BRINP3: variants seen among roughly 807,000 people sequenced by gnomAD.
The protein encoded by BRINP3 is BMP/retinoic acid inducible neural specific 3, also known as BMP/retinoic acid-inducible neural-specific protein 3.
A neutral mutation model predicts 71.0 loss-of-function variants in BRINP3; 19 were observed. The ratio of observed to expected loss-of-function variants is 0.27; its 90% confidence interval spans 0.19 to 0.39. The LOEUF (loss-of-function observed/expected upper bound fraction) is 0.39. BRINP3 is among the 10% of genes least tolerant of loss of function. BRINP3 has a pLI of 1.00. For synonymous variants in BRINP3, 380 were observed against 337.7 expected, an observed-to-expected ratio of 1.13 and a Z score of -1.37; for missense variants, 959 against 940.8, an observed-to-expected ratio of 1.02 and a Z score of -0.25.
At chr1:190,373,052 A>C (rs1341627569) in intron 2 of BRINP3, among the ~76,000 whole-genome samples, 5 of 152,216 alleles carry the variant, frequency 3.3e-5, no homozygotes, top group African/African-American at 1.2e-4. Flanking sequence ...GAAGAAAATT[A>C]GAATGATATC....
intron 2 of BRINP3, among the ~76,000 whole-genome samples, chr1:190,351,966 A>C (rs1668415271): frequency 6.6e-6 from 1 of 152,030 alleles, no homozygotes; most frequent in Non-Finnish European, 1.5e-5. Context: ...ACAATTTCAA[A>C]CATTTTAAAT....
intron 2 of BRINP3, among the ~76,000 whole-genome samples, chr1:190,288,429 T>C (rs1419272632): frequency 2.6e-5 from 4 of 151,998 alleles, no homozygotes; most frequent in Admixed American, 2.6e-4. Context: ...TTATTTTAGA[T>C]AGGGAATTTT....
chr1:190,465,628 C>G (rs181549604), intron 1 of BRINP3, among the ~76,000 whole-genome samples: 3 of 151,922 alleles, frequency 2.0e-5, no homozygotes, highest in Non-Finnish European at 1.5e-5. Flanking sequence ...AATGTTTTCT[C>G]TTAGTAATTT....
chr1:190,330,297 T>A (rs1214283283), intron 2 of BRINP3, among the ~76,000 whole-genome samples: 2 of 151,862 alleles, frequency 1.3e-5, no homozygotes, highest in Non-Finnish European at 2.9e-5. Flanking sequence ...AAAATACAAG[T>A]AACCCCATTA....
intron 2 of BRINP3, among the ~76,000 whole-genome samples, chr1:190,299,820 G>T (rs1664537010): frequency 6.6e-6 from 1 of 151,858 alleles, no homozygotes; most frequent in Non-Finnish European, 1.5e-5. Context: ...AGCTTAGTTT[G>T]GCTGGATATG....
At position 190,234,482 on chromosome 1, in the gene BRINP3, C is replaced by G; in HGVS notation, c.619-5G>C. 2 of 1,600,248 alleles carry G rather than the reference C, an allele frequency of 1.2e-6. No individual in the cohort carries two copies. The highest frequency in any genetic ancestry group is 1.7e-6 in the Non-Finnish European group (2 of 1,168,356). On this transcript the variant is annotated splice_polypyrimidine_tract_variant and splice_region_variant and intron_variant, in intron 4 of 7. Coordinates refer to ENST00000367462, the MANE Select transcript of BRINP3 (RefSeq NM_199051.3). ...ACCAGTCCGTGTTTCTGTTACCTGG[C>G]AAACAAAACATCAACTTTATTATCT...
chr1:190,275,488 T>G (rs1224035214), intron 3 of BRINP3, among the ~76,000 whole-genome samples: 2 of 151,598 alleles, frequency 1.3e-5, no homozygotes, highest in Non-Finnish European at 3.0e-5. Context: ...TGCTGATGCT[T>G]TTCGTTCATG....
intron 6 of BRINP3, among the ~76,000 whole-genome samples, chr1:190,191,386 T>C (rs1192303369): frequency 6.6e-6 from 1 of 151,968 alleles, no homozygotes; most frequent in Non-Finnish European, 1.5e-5. Context: ...TATTGACCCA[T>C]CCTCTAAGCT....
intron 7 of BRINP3, among the ~76,000 whole-genome samples, chr1:190,118,413 T>A (rs1230270198): frequency 1.3e-5 from 2 of 152,158 alleles, no homozygotes; most frequent in African/African-American, 4.8e-5. Context: ...AAATGTTTCA[T>A]AAGGACTTAC....
At chr1:190,156,763 T>C (rs1656904511) in intron 7 of BRINP3, among the ~76,000 whole-genome samples, 1 of 152,064 alleles carries the variant, frequency 6.6e-6, no homozygotes, top group Non-Finnish European at 1.5e-5. Flanking sequence ...ATATTTGACT[T>C]ATTTAATTTA....
At chr1:190,292,294 A>G (rs1663928303) in intron 2 of BRINP3, among the ~76,000 whole-genome samples, 1 of 152,112 alleles carries the variant, frequency 6.6e-6, no homozygotes, top group African/African-American at 2.4e-5. Flanking sequence ...AGCAAACCTA[A>G]AATACTGATG....
chr1:190,098,123 G>C lies in BRINP3; in HGVS notation c.2196C>G (p.Leu732=). ...DLFSCLLRHR[L]KLSTSEVVRI... ...TCACCACCTCACTAGTAGACAGCTT[G>C]AGTCTATGACGAAGCAAGCAAGAGA... Residue 732 remains leucine, a synonymous_variant, in exon 8 of 8, where the codon CTC becomes CTG. Coordinates refer to ENST00000367462, the MANE Select transcript of BRINP3 (RefSeq NM_199051.3). 6 of 1,614,164 alleles carry C rather than the reference G, an allele frequency of 3.7e-6. No individual in the cohort carries two copies. Among genetic ancestry groups the C allele is most frequent in the Non-Finnish European group, 5.1e-6 (6 of 1,180,026 alleles).
chr1:190,105,197 AAC>A (rs1317934409), intron 7 of BRINP3, among the ~76,000 whole-genome samples: 1 of 152,000 alleles, frequency 6.6e-6, no homozygotes, highest in African/African-American at 2.4e-5. Context: ...CCTGACACAC[AAC>A]AGTTTCACTC....
intron 1 of BRINP3, among the ~76,000 whole-genome samples, chr1:190,462,224 T>A (rs901138820): frequency 1.9e-4 from 29 of 152,254 alleles, no homozygotes; most frequent in African/African-American, 6.7e-4. Flanking sequence ...AAGCAAGATA[T>A]TCTTAATGTT....
intron 2 of BRINP3, among the ~76,000 whole-genome samples, chr1:190,325,886 T>C (rs1005917555): frequency 3.3e-5 from 5 of 152,138 alleles, no homozygotes; most frequent in African/African-American, 1.2e-4. Context: ...ATTACATTAA[T>C]ATGTTAAAAA....
In BRINP3 at chr1:190,392,333, T is replaced by C. The variant is rs1158101677; in HGVS notation, c.236+62322A>G. On this transcript the variant is annotated intron_variant, in intron 2 of 7. Coordinates refer to ENST00000367462, the MANE Select transcript of BRINP3 (RefSeq NM_199051.3). ...TATACAGACTGGGAATTGAGTTGTA[T>C]ATTACGAGCTTCTTTCATTTAATTC... Among the ~76,000 whole-genome samples the C allele has an allele frequency of 2.6e-5, 4 of 151,770 alleles. No homozygotes were observed. In the East Asian group the frequency reaches 7.7e-4, roughly 29 times the overall value.
intron 6 of BRINP3, among the ~76,000 whole-genome samples, chr1:190,194,980 G>A (rs931018486): frequency 2.0e-5 from 3 of 151,830 alleles, no homozygotes; most frequent in African/African-American, 7.2e-5. Flanking sequence ...AGGTTACTTG[G>A]AACTTTAGAA....
At chr1:190,265,924 T>A (rs1661621781) in intron 3 of BRINP3, among the ~76,000 whole-genome samples, 1 of 152,188 alleles carries the variant, frequency 6.6e-6, no homozygotes, top group East Asian at 1.9e-4. Context: ...ATTGAAACAT[T>A]GTGTGTTAAT....
At chr1:190,137,296 T>G (rs1026165941) in intron 7 of BRINP3, among the ~76,000 whole-genome samples, 9 of 152,146 alleles carry the variant, frequency 5.9e-5, no homozygotes, top group Admixed American at 2.0e-4. Context: ...GTTTATCCGG[T>G]TTTTATTTTT....
Sources: gnomAD v4.1 joint callset for allele counts (sites outside exome capture counted in the v4.1 genomes callset) on GRCh38, gnomAD v4.1.1 for gene constraint, MANE v1.5 for transcripts, NCBI Gene and HGNC (gene_info 2026-07-23, HGNC 2026-07-21) for gene names.